Variants in RAVER2 observed in about 807,000 individuals in gnomAD.
RAVER2 encodes ribonucleoprotein, PTB binding 2.
RAVER2 carries 46 observed loss-of-function variants against 78.1 expected under a neutral mutation model. The ratio of observed to expected loss-of-function variants is 0.59; its 90% CI spans 0.46 to 0.75. The LOEUF (loss-of-function observed/expected upper bound fraction) is 0.75, where lower values mean the gene tolerates loss of function less well. Ranked by LOEUF, RAVER2 falls within the 30% of genes least tolerant of loss-of-function variation. The probability of loss-of-function intolerance (pLI) is 0.00; values close to 1 mark genes in which losing one functional copy is unlikely to be tolerated. For missense variants in RAVER2, 793 were observed against 837.5 expected (o/e 0.95, Z 0.66); for synonymous variants, 311 against 313.3 (o/e 0.99, Z 0.08).
intron 10 of RAVER2, 85 bp from the exon 11 acceptor site, chr1:64,814,614 TAATAA>T (rs1046613476): frequency 2.4e-5 from 17 of 695,508 alleles, no homozygotes; most frequent in Middle Eastern, 5.6e-4. Flanking sequence ...ATATAACTTA[TAATAA>T]AATAATTTAT....
intron 2 of RAVER2, among the ~76,000 whole-genome samples, chr1:64,771,979 T>C (rs1307489400): frequency 1.3e-5 from 2 of 152,136 alleles, no homozygotes; most frequent in Non-Finnish European, 1.5e-5. Context: ...GAAAAAGTTT[T>C]GGCACATGCT....
intron 1 of RAVER2, among the ~76,000 whole-genome samples, chr1:64,765,324 A>G (rs2100819246): frequency 6.6e-6 from 1 of 152,346 alleles, no homozygotes; most frequent in East Asian, 1.9e-4. Context: ...TTTTTTAAAA[A>G]TTCAAACAGT....
exon 9 of RAVER2, chr1:64,807,235 A>G: frequency 2.5e-6 from 4 of 1,614,058 alleles, no homozygotes; most frequent in Non-Finnish European, 3.4e-6. Flanking sequence ...TCAAACAACG[A>G]TAACAGCTGG....
chr1:64,766,162 A>G (rs1297325422), intron 1 of RAVER2, among the ~76,000 whole-genome samples: 2 of 152,226 alleles, frequency 1.3e-5, no homozygotes, highest in Non-Finnish European at 2.9e-5. Flanking sequence ...ATCTAATACC[A>G]ATTTTTATTA....
At chr1:64,775,972 C>T (rs1008212255) in intron 2 of RAVER2, among the ~76,000 whole-genome samples, 7 of 145,244 alleles carry the variant, frequency 4.8e-5, no homozygotes, top group South Asian at 2.2e-4. Context: ...GAGCTGAGAT[C>T]GGCACCACTG....
At chr1:64,779,454 A>T (rs184786023) in intron 3 of RAVER2, among the ~76,000 whole-genome samples, 3 of 151,904 alleles carry the variant, frequency 2.0e-5, no homozygotes, top group Admixed American at 1.3e-4. Flanking sequence ...CAGTAGTCCC[A>T]CACTCCTAGG....
At chr1:64,817,751 CGTG>C (rs1653788707) in intron 11 of RAVER2, among the ~76,000 whole-genome samples, 1 of 103,722 alleles carries the variant, frequency 9.6e-6, no homozygotes, top group South Asian at 3.1e-4. Context: ...TGGGGCCTGT[CGTG>C]GGGTGGGGGG....
chr1:64,755,645 A>T (rs569583819), intron 1 of RAVER2, among the ~76,000 whole-genome samples: 1 of 145,606 alleles, frequency 6.9e-6, no homozygotes, highest in Non-Finnish European at 1.5e-5. Context: ...TGGACTTTGG[A>T]TATTCTATTA....
chr1:64,794,353 G>A (rs903678129), intron 5 of RAVER2, among the ~76,000 whole-genome samples: 2 of 146,464 alleles, frequency 1.4e-5, no homozygotes, highest in African/African-American at 2.6e-5. Context: ...AGCCGAGATC[G>A]TGCCACTGCA....
At chr1:64,794,346 C>T (rs1653034042) in intron 5 of RAVER2, among the ~76,000 whole-genome samples, 1 of 144,074 alleles carries the variant, frequency 6.9e-6, no homozygotes, top group African/African-American at 2.6e-5. Flanking sequence ...TGCAGTGAGC[C>T]GAGATCGTGC....
chr1:64,813,979 C>T (rs999242768), intron 10 of RAVER2, among the ~76,000 whole-genome samples: 3 of 151,998 alleles, frequency 2.0e-5, no homozygotes, highest in African/African-American at 7.3e-5. Flanking sequence ...GGCTGGAGTG[C>T]TGTGGTGTGA....
In RAVER2 at chr1:64,755,724, G is replaced by GTTTTTTTTTT. The variant is rs753375050; in HGVS notation, c.249+10323_249+10332dup. Among the ~76,000 whole-genome samples, 14 of 60,634 alleles carry GTTTTTTTTTT rather than the reference G, an allele frequency of 2.3e-4. 1 individual carries two copies. Among genetic ancestry groups the GTTTTTTTTTT allele is most frequent in the African/African-American group, 3.6e-4 (5 of 13,874 alleles). The allele number at this position is 60,634 out of a possible 152,430, so 39.8% of individuals were successfully genotyped here. On this transcript the variant is annotated intron_variant, in intron 1 of 11. Coordinates refer to ENST00000294428, the Ensembl canonical transcript of RAVER2. ...CATTTCTCTGACTTTATGCTTCATA[G>GTTTTTTTTTT]TTTTTTTTTTTTTTTTTTTTTTTTT...
chr1:64,764,636 T>C (rs780401271), intron 1 of RAVER2, among the ~76,000 whole-genome samples: 23 of 152,288 alleles, frequency 1.5e-4, no homozygotes, highest in Non-Finnish European at 2.6e-4. Flanking sequence ...GAGAATACAC[T>C]CATAATACAG....
At chr1:64,765,886 T>G (rs1652161925) in intron 1 of RAVER2, among the ~76,000 whole-genome samples, 1 of 152,208 alleles carries the variant, frequency 6.6e-6, no homozygotes, top group African/African-American at 2.4e-5. Context: ...CTTAAAACAT[T>G]TTTTTAAAAA....
At chr1:64,811,804 T>C (rs1179391947) in intron 9 of RAVER2, among the ~76,000 whole-genome samples, 1 of 152,242 alleles carries the variant, frequency 6.6e-6, no homozygotes, top group Admixed American at 6.5e-5. Context: ...TTTTCCACTG[T>C]GTAGGGGGTT....
intron 1 of RAVER2, among the ~76,000 whole-genome samples, chr1:64,759,137 A>C (rs1029716894): frequency 6.6e-6 from 1 of 151,782 alleles, no homozygotes; most frequent in Non-Finnish European, 1.5e-5. Flanking sequence ...GTTACAAATT[A>C]GGTTAGTGTA....
chr1:64,778,057 A>G, exon 3 of RAVER2: 1 of 1,613,374 alleles, frequency 6.2e-7, no homozygotes, highest in Non-Finnish European at 8.5e-7. Context: ...GCTGTTGCAA[A>G]TTTTTTCCAG....
chr1:64,824,932 CAAAAAAAAAAAA>C (rs56179197), intron 11 of RAVER2, among the ~76,000 whole-genome samples: 27 of 79,382 alleles, frequency 3.4e-4, no homozygotes, highest in African/African-American at 5.4e-4. Flanking sequence ...CCCTGTCTCC[CAAAAAAAAAAAA>C]AAAAAAAAAA....
chr1:64,767,581 A>G (rs1652208336), intron 1 of RAVER2, among the ~76,000 whole-genome samples: 1 of 152,048 alleles, frequency 6.6e-6, no homozygotes, highest in Non-Finnish European at 1.5e-5. Flanking sequence ...TAGCATATTC[A>G]TTTGCAGTAT....
Sources: allele counts gnomAD v4.1 joint callset (sites outside exome capture counted in the v4.1 genomes callset), GRCh38; gene constraint gnomAD v4.1.1; transcripts MANE v1.5; gene names NCBI Gene and HGNC (gene_info 2026-07-23, HGNC 2026-07-21).